Variants in NECAB3 observed in about 807,000 individuals in gnomAD.
NECAB3 encodes the protein N-terminal EF-hand calcium-binding protein 3.
Under a neutral mutation model 57.2 loss-of-function variants are expected in NECAB3, and 38 were observed. The ratio of observed to expected loss-of-function variants is 0.66; its 90% CI spans 0.51 to 0.87. The LOEUF is 0.87. Ranked by LOEUF, NECAB3 falls within the 40% of genes least tolerant of loss-of-function variation. The probability of loss-of-function intolerance (pLI) is 0.00; values close to 1 mark genes in which losing one functional copy is unlikely to be tolerated. For missense variants in NECAB3, 474 were observed against 527.5 expected (o/e 0.90, Z 0.99); for synonymous variants, 223 against 222.6 (o/e 1.00, Z -0.02).
intron 5 of NECAB3, chr20:33,667,685 C>G: frequency 6.2e-7 from 1 of 1,611,740 alleles, no homozygotes; most frequent in Non-Finnish European, 8.5e-7. Context: ...CTGGTGGCGG[C>G]GAACCCTGAC....
At chr20:33,662,527 C>A in intron 5 of NECAB3, 1 of 1,533,752 alleles carries the variant, frequency 6.5e-7, no homozygotes, top group Non-Finnish European at 8.8e-7. Context: ...GCAGAGAAAG[C>A]TGGACAAGTG....
rs76834579 is a variant in NECAB3, at chr20:33,674,079, G to A, written c.129+145C>T. The A allele has an allele frequency of 1.6e-3, 1,391 of 868,322 alleles. 11 individuals are homozygous for A. In the African/African-American group the frequency reaches 0.021, roughly 13 times the overall value. 53.8% of individuals were successfully genotyped at this position (868,322 alleles called of 1,614,324 possible). A position where few individuals can be genotyped will look rare whatever the true frequency, so the allele number is the denominator to read the frequency against. ...TGGAGAGACAGAACAGGTCACACAA[G>A]GGCAGAAAGGTCAAGAGAAAACAGC... On this transcript the variant is annotated intron_variant, in intron 1 of 11. Coordinates refer to ENST00000246190, the MANE Select transcript of NECAB3 (RefSeq NM_031232.4).
intron 8 of NECAB3, among the ~76,000 whole-genome samples, chr20:33,659,156 C>T (rs937754884): frequency 2.0e-5 from 3 of 152,188 alleles, no homozygotes; most frequent in African/African-American, 7.2e-5. Context: ...CCAACCTGCC[C>T]CCCAGCCTCC....
Position 33,657,857 on chromosome 20 carries a change from G to A in NECAB3, c.1163C>T (p.Ala388Val). 1.3e-6 allele frequency: 2 copies of A among 1,543,572 alleles called. No individual in the cohort carries two copies. Among genetic ancestry groups the A allele is most frequent in the Non-Finnish European group, 1.8e-6 (2 of 1,142,278 alleles). The change falls in exon 12 of 12, where the codon GCC (alanine) becomes GTC (valine). Residue 388 changes from alanine (A) to valine (V), a missense_variant and splice_region_variant. Transcript: ENST00000246190. ...PDTLTTVFFP[A>V]SWWIMNNN ...GTTGTTATTCATTATCCACCAGGAGGCTGGGGGTCAGAGGCAGGGGGTCAG... is the reference window on the plus strand; with the variant it reads ...GTTGTTATTCATTATCCACCAGGAGACTGGGGGTCAGAGGCAGGGGGTCAG...
chr20:33,667,587 G>A, intron 5 of NECAB3: 1 of 1,561,880 alleles, frequency 6.4e-7, no homozygotes. Context: ...GCCACGCCAC[G>A]CCCATCTACG....
chr20:33,668,803 T>TG (rs2017760783), intron 5 of NECAB3, among the ~76,000 whole-genome samples: 1 of 152,248 alleles, frequency 6.6e-6, no homozygotes, highest in Non-Finnish European at 1.5e-5. Flanking sequence ...AGATATTTCT[T>TG]GAACACACAA....
intron 5 of NECAB3, chr20:33,664,001 G>A (rs944767572): frequency 8.1e-6 from 6 of 741,286 alleles, no homozygotes; most frequent in Non-Finnish European, 1.2e-5. Context: ...TGAACGGGGC[G>A]TGATGAAGGC....
intron 10 of NECAB3, 102 bp from the exon 11 acceptor site, chr20:33,658,135 A>C: frequency 9.7e-7 from 1 of 1,032,270 alleles, no homozygotes; most frequent in Non-Finnish European, 1.4e-6. Context: ...CTGGAGCCTC[A>C]GTCCTCTCCC....
chr20:33,667,763 TG>T (rs1192880562), intron 5 of NECAB3: 1 of 1,612,598 alleles, frequency 6.2e-7, no homozygotes, highest in East Asian at 2.2e-5. Flanking sequence ...TACGTGTCCC[TG>T]GACTTCGAGG....
At chr20:33,669,281 C>T in intron 5 of NECAB3, 94 bp downstream of exon 5, 1 of 1,359,642 alleles carries the variant, frequency 7.4e-7, no homozygotes, top group Non-Finnish European at 1.0e-6. Flanking sequence ...GCCCCTAGCT[C>T]TATAACCCTG....
At chr20:33,666,310 T>C (rs1323005900) in intron 5 of NECAB3, among the ~76,000 whole-genome samples, 1 of 152,228 alleles carries the variant, frequency 6.6e-6, no homozygotes, top group Non-Finnish European at 1.5e-5. Flanking sequence ...CAGACTGTGC[T>C]GGGCTGCTGA....
chr20:33,664,072 G>A (rs757026810), intron 5 of NECAB3: 215 of 511,792 alleles, frequency 4.2e-4, no homozygotes, highest in Middle Eastern at 2.5e-3. Context: ...CTTGTGCCAA[G>A]GGTCAGAACA....
At chr20:33,672,747 C>T (rs2017855289) in intron 1 of NECAB3, among the ~76,000 whole-genome samples, 1 of 152,330 alleles carries the variant, frequency 6.6e-6, no homozygotes, top group African/African-American at 2.4e-5. Flanking sequence ...TACATCAGCC[C>T]CTGGCACAGT....
In NECAB3 at chr20:33,670,806, G is replaced by A. The variant is rs1197400460; in HGVS notation, c.155-14C>T. On this transcript the variant is annotated splice_polypyrimidine_tract_variant and intron_variant, in intron 2 of 11. Transcript: ENST00000246190. ...GCTTCCCATCATCTGGGGTGGCAGGGGGAGGACAGGGAGCAGAGGAGGTAT... is the reference window on the plus strand; with the variant it reads ...GCTTCCCATCATCTGGGGTGGCAGGAGGAGGACAGGGAGCAGAGGAGGTAT... The A allele has an allele frequency of 5.6e-6, 9 of 1,596,952 alleles. No individual in the cohort carries two copies. In the Admixed American group the frequency reaches 1.0e-4, roughly 18 times the overall value.
rs898254871 is a variant in NECAB3, at chr20:33,657,859, T to TG, written c.1163-3dup. 7.8e-6 allele frequency: 12 copies of TG among 1,543,690 alleles called. No individual in the cohort carries two copies. Among genetic ancestry groups the TG allele is most frequent in the Non-Finnish European group, 9.6e-6 (11 of 1,142,426 alleles). Reference sequence around the variant, plus strand: ...TGTTATTCATTATCCACCAGGAGGCTGGGGGTCAGAGGCAGGGGGTCAGGA... The same window carrying TG: ...TGTTATTCATTATCCACCAGGAGGCTGGGGGGTCAGAGGCAGGGGGTCAGGA... On this transcript the variant is annotated splice_region_variant and splice_polypyrimidine_tract_variant and intron_variant, in intron 11 of 11. Coordinates refer to ENST00000246190, the MANE Select transcript of NECAB3 (RefSeq NM_031232.4).
chr20:33,666,150 C>T (rs2017643451), intron 5 of NECAB3, among the ~76,000 whole-genome samples: 1 of 152,030 alleles, frequency 6.6e-6, no homozygotes, highest in South Asian at 2.1e-4. Context: ...CGTGGAAGCC[C>T]ATAAAGGTAG....
intron 3 of NECAB3, chr20:33,670,481 G>C: frequency 2.2e-6 from 1 of 457,078 alleles, no homozygotes; most frequent in Non-Finnish European, 3.9e-6. Flanking sequence ...TGGCTATTTT[G>C]GGGTCCCAGC....
chr20:33,667,743 G>A (rs542910609), intron 5 of NECAB3: 5 of 1,612,472 alleles, frequency 3.1e-6, no homozygotes, highest in Non-Finnish European at 1.7e-6. Flanking sequence ...ATCTCAAGAA[G>A]CGCAGCTGCT....
chr20:33,659,402 G>A, intron 8 of NECAB3, 95 bp downstream of exon 8: 1 of 1,151,956 alleles, frequency 8.7e-7, no homozygotes, highest in African/African-American at 1.6e-5. Context: ...CATGCGCACT[G>A]CAGAGGGTTG....
Sources: allele counts gnomAD v4.1 joint callset (sites outside exome capture counted in the v4.1 genomes callset), GRCh38; gene constraint gnomAD v4.1.1; transcripts MANE v1.5; gene names NCBI Gene and HGNC (gene_info 2026-07-23, HGNC 2026-07-21).